The following CCDC171 variants were observed in gnomAD, a reference collection of about 807,000 sequenced individuals.
CCDC171 encodes the protein coiled-coil domain containing 171.
A neutral mutation model predicts 168.2 loss-of-function variants in CCDC171; 177 were observed. The observed-to-expected ratio is 1.05, with a 90% CI of 0.93 to 1.19. The LOEUF (loss-of-function observed/expected upper bound fraction) is 1.19. Among genes scored for constraint, CCDC171 ranks in the 50% most tolerant of loss-of-function variants. CCDC171 has a pLI of 0.00. For missense variants in CCDC171, 1,991 were observed against 1,539.0 expected (o/e 1.29, Z -4.91); for synonymous variants, 687 against 540.8 (o/e 1.27, Z -3.75).
intron 24 of CCDC171, among the ~76,000 whole-genome samples, chr9:15,889,345 A>G (rs1589007671): frequency 6.6e-6 from 1 of 152,156 alleles, no homozygotes; most frequent in African/African-American, 2.4e-5. Context: ...AACAGGTTCT[A>G]TGCAAAGGAC....
At chr9:15,693,794 A>G (rs943840898) in intron 10 of CCDC171, among the ~76,000 whole-genome samples, 17 of 152,140 alleles carry the variant, frequency 1.1e-4, no homozygotes, top group African/African-American at 4.1e-4. Flanking sequence ...TAAGTTTCTC[A>G]TATATTAAAT....
chr9:15,771,429 T>G (rs2057006981), intron 18 of CCDC171, among the ~76,000 whole-genome samples: 1 of 152,166 alleles, frequency 6.6e-6, no homozygotes, highest in African/African-American at 2.4e-5. Context: ...TATTCTTTGA[T>G]TGGTAGTTAG....
chr9:15,556,658 A>G (rs2132404397), intron 1 of CCDC171, among the ~76,000 whole-genome samples: 1 of 152,176 alleles, frequency 6.6e-6, no homozygotes, highest in Non-Finnish European at 1.5e-5. Context: ...TCAGATGGGT[A>G]GATTGTAAAA....
intron 3 of CCDC171, among the ~76,000 whole-genome samples, chr9:16,012,915 G>A (rs573392901): frequency 1.2e-4 from 18 of 152,252 alleles, no homozygotes; most frequent in African/African-American, 3.6e-4. Flanking sequence ...ATGCTTAAAC[G>A]TATAGGTCTC....
At chr9:15,782,433 C>G (rs2057714048) in intron 20 of CCDC171, among the ~76,000 whole-genome samples, 1 of 152,114 alleles carries the variant, frequency 6.6e-6, no homozygotes, top group African/African-American at 2.4e-5. Context: ...TTGAGCCAGT[C>G]TCTGGGACGG....
rs558167809 is a variant in CCDC171, at chr9:15,817,085, C to T, written c.3268-29617C>T. 6.8e-5 allele frequency among the ~76,000 whole-genome samples: 8 copies of T among 117,440 alleles called. 2 individuals are homozygous for T. Among genetic ancestry groups the T allele is most frequent in the Admixed American group, 4.0e-4 (5 of 12,408 alleles). The allele number at this position is 117,440 out of a possible 152,430, so 77.0% of individuals were successfully genotyped here. On this transcript the variant is annotated intron_variant, in intron 21 of 25. Transcript: ENST00000380701. Reference sequence around the variant, plus strand: ...GTGTTTTTCTGAGAGGATGTGTAAGCGCACTTGTCTAATTCCATTCTGATT... The same window carrying T: ...GTGTTTTTCTGAGAGGATGTGTAAGTGCACTTGTCTAATTCCATTCTGATT...
intron 25 of CCDC171, among the ~76,000 whole-genome samples, chr9:15,937,134 C>CA (rs1278502427): frequency 6.6e-6 from 1 of 152,000 alleles, no homozygotes; most frequent in East Asian, 1.9e-4. Flanking sequence ...TCAAATCCAG[C>CA]ATGTTGGTTT....
intron 3 of CCDC171, among the ~76,000 whole-genome samples, chr9:16,009,600 G>A (rs775763028): frequency 6.6e-5 from 10 of 152,040 alleles, no homozygotes; most frequent in Non-Finnish European, 1.5e-4. Context: ...TCATCACTTA[G>A]TAGTTCTAAT....
intron 6 of CCDC171, among the ~76,000 whole-genome samples, chr9:15,613,034 T>C (rs1380605502): frequency 6.6e-6 from 1 of 152,206 alleles, no homozygotes; most frequent in Non-Finnish European, 1.5e-5. Flanking sequence ...ATACAAATTT[T>C]TGTGTTGACA....
chr9:15,606,961 T>A (rs996432655), intron 6 of CCDC171, among the ~76,000 whole-genome samples: 4 of 152,214 alleles, frequency 2.6e-5, no homozygotes, highest in Admixed American at 2.0e-4. Flanking sequence ...TTGGAAAATA[T>A]GTTCTGTAAC....
At chr9:15,603,977 T>A (rs191156360) in intron 6 of CCDC171, among the ~76,000 whole-genome samples, 1 of 152,252 alleles carries the variant, frequency 6.6e-6, no homozygotes, top group African/African-American at 2.4e-5. Context: ...TCATTGTGAT[T>A]TTGACTTGCA....
intron 14 of CCDC171, among the ~76,000 whole-genome samples, chr9:15,726,166 G>T (rs376093327): frequency 3.3e-5 from 5 of 152,134 alleles, no homozygotes; most frequent in East Asian, 3.9e-4. Flanking sequence ...TCCACATGAA[G>T]GGGTTGGAAT....
chr9:16,023,060 A>G (rs1274742090), intron 6 of CCDC171, among the ~76,000 whole-genome samples: 1 of 152,128 alleles, frequency 6.6e-6, no homozygotes, highest in Non-Finnish European at 1.5e-5. Flanking sequence ...CGGGATACTA[A>G]GGGGTTCTCA....
chr9:15,927,108 T>G (rs542509512), intron 25 of CCDC171, among the ~76,000 whole-genome samples: 1 of 151,812 alleles, frequency 6.6e-6, no homozygotes, highest in Non-Finnish European at 1.5e-5. Context: ...GTAGACATAA[T>G]TATCTTTAAA....
At chr9:15,745,118 G>A (rs1202408178) in intron 17 of CCDC171, among the ~76,000 whole-genome samples, 1 of 152,084 alleles carries the variant, frequency 6.6e-6, no homozygotes, top group South Asian at 2.1e-4. Context: ...CAAATTACCA[G>A]TATAATTTAT....
chr9:15,603,348 A>G (rs2131689378), intron 6 of CCDC171, among the ~76,000 whole-genome samples: 1 of 152,262 alleles, frequency 6.6e-6, no homozygotes, highest in Non-Finnish European at 1.5e-5. Context: ...CTGTCAACCC[A>G]TCACCTAGGT....
chr9:15,696,903 C>T (rs933119670), intron 11 of CCDC171, among the ~76,000 whole-genome samples: 2 of 152,078 alleles, frequency 1.3e-5, no homozygotes, highest in African/African-American at 4.8e-5. Context: ...TGTGTTCCTG[C>T]GAAAGGACTG....
chr9:16,105,442 G>C, the CCDC171 span, among the ~76,000 whole-genome samples: 1 of 120,972 alleles, frequency 8.3e-6, no homozygotes, highest in African/African-American at 4.3e-5. Flanking sequence ...GGCAGTTCTT[G>C]AAGTCCAGCA....
At chr9:16,048,309 C>A (rs1164813148) in intron 1 of CCDC171, among the ~76,000 whole-genome samples, 1 of 152,186 alleles carries the variant, frequency 6.6e-6, no homozygotes, top group African/African-American at 2.4e-5. Flanking sequence ...GGCAGTAGGG[C>A]TGGACAGGAA....
Sources: allele counts gnomAD v4.1 joint callset (sites outside exome capture counted in the v4.1 genomes callset), GRCh38; gene constraint gnomAD v4.1.1; transcripts MANE v1.5; gene names NCBI Gene and HGNC (gene_info 2026-07-23, HGNC 2026-07-21).